ST7: variants seen among roughly 807,000 people sequenced by gnomAD.
ST7 encodes the protein suppression of tumorigenicity 7, also known as suppressor of tumorigenicity 7 protein.
Under a neutral mutation model 78.7 loss-of-function variants are expected in ST7, and 28 were observed. The ratio of observed to expected loss-of-function variants is 0.36; its 90% CI spans 0.26 to 0.49. ST7 has a LOEUF of 0.49. ST7 is among the 20% of genes least tolerant of loss of function. The probability of loss-of-function intolerance (pLI) is 0.99; values close to 1 mark genes in which losing one functional copy is unlikely to be tolerated. For missense variants in ST7, 418 were observed against 696.0 expected (o/e 0.60, Z 4.49); for synonymous variants, 247 against 249.6 (o/e 0.99, Z 0.10).
chr7:117,141,867 G>A (rs1478474845), intron 9 of ST7, among the ~76,000 whole-genome samples: 2 of 151,746 alleles, frequency 1.3e-5, no homozygotes, highest in African/African-American at 2.4e-5. Context: ...ACTGGGTTTT[G>A]CTATGTTGCC....
At position 116,968,293 on chromosome 7, in the gene ST7, CTCCTTCCTTCCTTCCT is replaced by C. The variant is rs374262213; in HGVS notation, c.151+14624_151+14639del. ...CCTCCCTCCCTCCCTCCCTCCCTCC[CTCCTTCCTTCCTTCCT>C]TCCTTCCTTCCTTCCTTCCTTTCCT... On this transcript the variant is annotated intron_variant, in intron 1 of 15. Coordinates refer to ENST00000323984, the MANE Select transcript of ST7 (RefSeq NM_001369598.1). 48 of 5,336 alleles carry C rather than the reference CTCCTTCCTTCCTTCCT, an allele frequency of 9.0e-3. 2 individuals carry two copies. Among genetic ancestry groups the C allele is most frequent in the Middle Eastern group, 0.25 (1 of 4 alleles). 0.3% of individuals were successfully genotyped at this position (5,336 alleles called of 1,614,324 possible).
intron 1 of ST7, among the ~76,000 whole-genome samples, chr7:117,031,919 T>G (rs1432169220): frequency 1.3e-5 from 2 of 148,988 alleles, no homozygotes; most frequent in East Asian, 3.9e-4. Context: ...TCTTGCTTTG[T>G]CACCCAGGCT....
At chr7:116,996,816 G>T (rs746930891) in intron 1 of ST7, among the ~76,000 whole-genome samples, 1 of 152,156 alleles carries the variant, frequency 6.6e-6, no homozygotes, top group Non-Finnish European at 1.5e-5. Context: ...GACATATATA[G>T]CTGATGTTTT....
At chr7:117,169,253 G>A (rs1048330049) in intron 9 of ST7, among the ~76,000 whole-genome samples, 2 of 150,382 alleles carry the variant, frequency 1.3e-5, no homozygotes, top group Non-Finnish European at 3.0e-5. Context: ...CTCCTGCCTC[G>A]GCCTCCTAAG....
intron 2 of ST7, among the ~76,000 whole-genome samples, chr7:117,104,081 C>G (rs1355738287): frequency 6.6e-6 from 1 of 152,158 alleles, no homozygotes; most frequent in Non-Finnish European, 1.5e-5. Flanking sequence ...AGTGATTCTC[C>G]TGCCTCGGCC....
At chr7:117,214,565 T>C (rs1185919562) in intron 13 of ST7, among the ~76,000 whole-genome samples, 4 of 152,118 alleles carry the variant, frequency 2.6e-5, no homozygotes, top group Non-Finnish European at 5.9e-5. Context: ...CCCTCCCCCA[T>C]AGATCTAAGG....
chr7:117,208,055 G>A (rs529374416), intron 12 of ST7, among the ~76,000 whole-genome samples: 3 of 151,942 alleles, frequency 2.0e-5, no homozygotes, highest in East Asian at 1.9e-4. Context: ...AGGTAACTCC[G>A]AACATAAAAT....
intron 1 of ST7, among the ~76,000 whole-genome samples, chr7:116,955,615 C>T (rs1447950119): frequency 6.6e-6 from 1 of 152,172 alleles, no homozygotes; most frequent in African/African-American, 2.4e-5. Context: ...CTCCTTATTA[C>T]ACACTTAAAA....
intron 7 of ST7, among the ~76,000 whole-genome samples, chr7:117,135,858 G>C (rs1804746737): frequency 6.6e-6 from 1 of 152,090 alleles, no homozygotes; most frequent in Non-Finnish European, 1.5e-5. Context: ...GTCCACATGT[G>C]AGCCCCATGC....
At chr7:117,094,410 A>C (rs1800867039) in intron 1 of ST7, among the ~76,000 whole-genome samples, 1 of 151,922 alleles carries the variant, frequency 6.6e-6, no homozygotes, top group Non-Finnish European at 1.5e-5. Context: ...CTTGGCAGAA[A>C]TTTTTCTTGA....
chr7:116,972,294 A>G, intron 1 of ST7: 1 of 578,484 alleles, frequency 1.7e-6, no homozygotes, highest in Non-Finnish European at 3.2e-6. Flanking sequence ...CCGATCTCTC[A>G]GCAAACCCAT....
intron 15 of ST7, 102 bp downstream of exon 15, chr7:117,222,164 G>A (rs936442509): frequency 2.7e-5 from 36 of 1,312,946 alleles, no homozygotes; most frequent in Admixed American, 1.0e-4. Flanking sequence ...AAATGGGTAC[G>A]AGCCTGCAAA....
intron 1 of ST7, among the ~76,000 whole-genome samples, chr7:116,997,339 C>T (rs1794713384): frequency 6.6e-6 from 1 of 152,180 alleles, no homozygotes; most frequent in Admixed American, 6.5e-5. Context: ...CCACATCCTG[C>T]TGATTGGCCC....
chr7:117,156,270 A>G lies in ST7; in HGVS notation c.964-14592A>G, dbSNP rs141160436. 3.5e-3 allele frequency among the ~76,000 whole-genome samples: 534 copies of G among 152,352 alleles called. 1 individual carries two copies. The highest frequency in any genetic ancestry group is 6.0e-3 in the Non-Finnish European group (410 of 68,042). On this transcript the variant is annotated intron_variant, in intron 9 of 15. Transcript: ENST00000323984. Reference sequence around the variant, plus strand: ...AGTAACTACTCAGTAACTATTTGTAAAATGAATCGAATAGATTGGCTGTGG... The same window carrying G: ...AGTAACTACTCAGTAACTATTTGTAGAATGAATCGAATAGATTGGCTGTGG...
chr7:117,005,879 CATAA>C (rs1237028093), intron 1 of ST7, among the ~76,000 whole-genome samples: 2 of 152,106 alleles, frequency 1.3e-5, no homozygotes, highest in Admixed American at 6.6e-5. Flanking sequence ...GTTTCTTAGA[CATAA>C]ATAAATACGT....
chr7:117,090,936 A>T (rs533028617), intron 1 of ST7: 11 of 164,982 alleles, frequency 6.7e-5, no homozygotes, highest in Non-Finnish European at 1.3e-4. Context: ...TGAAGACTGA[A>T]CACTGCATTG....
At chr7:117,024,601 G>T (rs965002100) in intron 1 of ST7, among the ~76,000 whole-genome samples, 1 of 152,174 alleles carries the variant, frequency 6.6e-6, no homozygotes, top group African/African-American at 2.4e-5. Context: ...AAAATTTTTT[G>T]TATAGTTATA....
chr7:117,008,465 A>G (rs1412241878), intron 1 of ST7, among the ~76,000 whole-genome samples: 3 of 152,220 alleles, frequency 2.0e-5, no homozygotes, highest in African/African-American at 7.2e-5. Context: ...ATAATTGAAG[A>G]GACTTGGAAA....
intron 1 of ST7, chr7:117,074,020 T>G (rs1215637757): frequency 2.6e-5 from 4 of 152,200 alleles, no homozygotes; most frequent in Non-Finnish European, 5.9e-5. Flanking sequence ...ATTACACTAG[T>G]CACTTTAAAC....
Sources: gnomAD v4.1 joint callset for allele counts (sites outside exome capture counted in the v4.1 genomes callset) on GRCh38, gnomAD v4.1.1 for gene constraint, MANE v1.5 for transcripts, NCBI Gene and HGNC (gene_info 2026-07-23, HGNC 2026-07-21) for gene names.